Variants in TDRD10 observed in about 807,000 individuals in gnomAD.
TDRD10 encodes the protein tudor domain-containing protein 10.
TDRD10 carries 40 observed loss-of-function variants against 48.0 expected under a neutral mutation model. The ratio of observed to expected loss-of-function variants is 0.83; its 90% CI spans 0.65 to 1.09. The LOEUF is 1.09. Ranked by LOEUF, TDRD10 falls within the 50% of genes least tolerant of loss-of-function variation. The pLI, the probability that TDRD10 is intolerant of heterozygous loss-of-function variation, is 0.00. For synonymous variants in TDRD10, 162 were observed against 170.4 expected (o/e 0.95, Z 0.38); for missense variants, 378 against 434.7 (o/e 0.87, Z 1.16).
At position 154,521,287 on chromosome 1, in the gene TDRD10, G is replaced by T. The variant is rs144749174; in HGVS notation, c.213-36G>T. On this transcript the variant is annotated intron_variant, in intron 5 of 12. Transcript: ENST00000368482. Reference sequence around the variant, plus strand: ...TGCAGCTCTGGGCTTCTCTGGAGATGTGCTCAAAGCCTCCCTCTCTCTCTT... The same window carrying T: ...TGCAGCTCTGGGCTTCTCTGGAGATTTGCTCAAAGCCTCCCTCTCTCTCTT... 197 of 1,609,112 alleles carry T rather than the reference G, an allele frequency of 1.2e-4. 1 individual carries two copies. The African/African-American group carries it at 2.5e-3, about 20-fold the overall frequency.
chr1:154,527,154 G>A (rs1428576497), intron 6 of TDRD10, among the ~76,000 whole-genome samples: 4 of 148,684 alleles, frequency 2.7e-5, no homozygotes, highest in Admixed American at 6.7e-5. Flanking sequence ...TAGGTGATCC[G>A]CCTGCCTCTG....
chr1:154,544,040 G>C lies in TDRD10; in HGVS notation c.581G>C (p.Gly194Ala), dbSNP rs375653959. 4.3e-6 allele frequency: 7 copies of C among 1,614,098 alleles called. No homozygotes were observed. The highest frequency in any genetic ancestry group is 5.9e-6 in the Non-Finnish European group (7 of 1,180,044). The change falls in exon 9 of 13, where the codon GGG (glycine) becomes GCG (alanine). Residue 194 changes from glycine (G) to alanine (A), a missense_variant. By Grantham distance (60) the Gly-to-Ala change is moderately conservative (BLOSUM62 0). Coordinates refer to ENST00000368482, the MANE Select transcript of TDRD10 (RefSeq NM_182499.4). The stretch of plus-strand genomic sequence containing the variant: ...CTGGCACTCATCCATAGCGTCCGTG[G>C]GGAGGCGGGGCTGCTGGTGACGAGT... Reference protein sequence around the residue: ...SWLALIHSVRGEAGLLVTSIV... With the variant: ...SWLALIHSVRAEAGLLVTSIV...
chr1:154,543,001 G>A (rs557362258), intron 8 of TDRD10, among the ~76,000 whole-genome samples, 180 bp downstream of exon 8: 3 of 152,218 alleles, frequency 2.0e-5, no homozygotes, highest in South Asian at 4.2e-4. Context: ...CCCAGCCGGG[G>A]GCAGTGACTC....
In TDRD10 at chr1:154,520,319, C is replaced by T. The variant is rs764807829; in HGVS notation, c.157C>T (p.Leu53Phe). The T allele has an allele frequency of 1.2e-6, 2 of 1,613,388 alleles. No homozygotes were observed. The highest frequency in any genetic ancestry group is 1.1e-5 in the South Asian group (1 of 91,052). The change falls in exon 5 of 13, where the codon CTT (leucine) becomes TTT (phenylalanine). Residue 53 changes from leucine (L) to phenylalanine (F), a missense_variant. By Grantham distance (22) the Leu-to-Phe change is conservative. This residue lies in a region of TDRD10 where 310 missense variants were observed against 323.6 expected (regional missense o/e 0.96). Transcript: ENST00000368482. ...LDISKEEILY[L>F]LKDFNPLDVH... Reference sequence around the variant, plus strand: ...GCTGTTGTAGGAGGAAATTCTGTACCTTCTAAAGGACTTCAACCCTCTTGA... The same window carrying T: ...GCTGTTGTAGGAGGAAATTCTGTACTTTCTAAAGGACTTCAACCCTCTTGA...
chr1:154,521,594 A>C (rs1694063821), intron 6 of TDRD10, 115 bp downstream of exon 6: 1 of 1,255,450 alleles, frequency 8.0e-7, no homozygotes, highest in South Asian at 1.5e-5. Flanking sequence ...GTGGAGAAGA[A>C]GGCAGGGTCT....
At chr1:154,536,763 C>G (rs1224460110) in intron 6 of TDRD10, among the ~76,000 whole-genome samples, 1 of 152,168 alleles carries the variant, frequency 6.6e-6, no homozygotes, top group Non-Finnish European at 1.5e-5. Context: ...TCAGGCTGTG[C>G]GTGCTTCTTT....
chr1:154,536,864 TTC>T (rs1425185412), intron 6 of TDRD10, among the ~76,000 whole-genome samples: 2 of 152,106 alleles, frequency 1.3e-5, no homozygotes, highest in Non-Finnish European at 2.9e-5. Flanking sequence ...CCAAGTGATA[TTC>T]TGTTGTATCA....
intron 12 of TDRD10, 21 bp from the exon 13 acceptor site, chr1:154,547,657 G>A (rs754415932): frequency 7.4e-6 from 12 of 1,614,076 alleles, no homozygotes; most frequent in Admixed American, 1.7e-5. Flanking sequence ...TTCCCACCAA[G>A]GCTTTGTCTT....
chr1:154,526,558 C>T (rs1219451345), intron 6 of TDRD10, among the ~76,000 whole-genome samples: 7 of 151,792 alleles, frequency 4.6e-5, no homozygotes, highest in Admixed American at 1.3e-4. Context: ...TGGGTTCAAA[C>T]GATTCTCCTG....
intron 1 of TDRD10, among the ~76,000 whole-genome samples, chr1:154,505,486 T>G (rs980698560): frequency 8.5e-5 from 13 of 152,242 alleles, no homozygotes; most frequent in Admixed American, 2.6e-4. Flanking sequence ...TCTGAACTAC[T>G]TTTAGTTCTA....
intron 6 of TDRD10, among the ~76,000 whole-genome samples, chr1:154,532,300 C>T (rs926759501): frequency 6.6e-6 from 1 of 152,200 alleles, no homozygotes; most frequent in Non-Finnish European, 1.5e-5. Flanking sequence ...AGCACTGCTG[C>T]GGGACCTGGT....
In TDRD10 at chr1:154,544,039, G is replaced by A; in HGVS notation, c.580G>A (p.Gly194Arg). ...SWLALIHSVR[G>R]EAGLLVTSIV... ...GCTGGCACTCATCCATAGCGTCCGTGGGGAGGCGGGGCTGCTGGTGACGAG... is the reference window on the plus strand; with the variant it reads ...GCTGGCACTCATCCATAGCGTCCGTAGGGAGGCGGGGCTGCTGGTGACGAG... Residue 194 changes from glycine to arginine, a missense_variant, in exon 9 of 13, where the codon GGG becomes AGG. Gly to Arg is a moderately radical substitution (Grantham distance 125). Transcript: ENST00000368482. 1 of 1,614,182 alleles carries A rather than the reference G, an allele frequency of 6.2e-7. No individual in the cohort carries two copies. The highest frequency in any genetic ancestry group is 2.2e-5 in the East Asian group (1 of 44,878).
rs1695461913 is a variant in TDRD10 at position 154,544,835 on chromosome 1, A to G, written c.838A>G (p.Met280Val). 2 of 1,614,016 alleles carry G rather than the reference A, an allele frequency of 1.2e-6. No homozygotes were observed. Among genetic ancestry groups the G allele is most frequent in the Non-Finnish European group, 1.7e-6 (2 of 1,180,038 alleles). ...LDRVDTWAVVMFIDFGQLATI... is the reference protein window; with the variant it reads ...LDRVDTWAVVVFIDFGQLATI... ...CAGGGTGGACACCTGGGCTGTGGTCATGTTCATTGATTTTGGACAGTTGGC... is the reference window on the plus strand; with the variant it reads ...CAGGGTGGACACCTGGGCTGTGGTCGTGTTCATTGATTTTGGACAGTTGGC... The change falls in exon 11 of 13, where the codon ATG becomes GTG. Residue 280 changes from methionine to valine, a missense_variant. Coordinates refer to ENST00000368482, the MANE Select transcript of TDRD10 (RefSeq NM_182499.4).
rs1441261565 is a variant in TDRD10 at position 154,544,073 on chromosome 1, C to T, written c.614C>T (p.Pro205Leu). The T allele has an allele frequency of 8.7e-6, 14 of 1,614,146 alleles. No individual in the cohort carries two copies. Among genetic ancestry groups the T allele is most frequent in the East Asian group, 2.2e-5 (1 of 44,882 alleles). ...EAGLLVTSIVPKTPFFWAMHV... is the reference protein window; with the variant it reads ...EAGLLVTSIVLKTPFFWAMHV... ...GGGCTGCTGGTGACGAGTATCGTCC[C>T]GAAGACCCCGTTTTTCTGGGCTATG... Residue 205 changes from proline to leucine, a missense_variant, in exon 9 of 13, where the codon CCG becomes CTG. Pro to Leu is a moderately conservative substitution (Grantham distance 98, BLOSUM62 -3). Around this residue, in one of 2 missense-constraint regions of TDRD10, gnomAD observed 310 missense variants for 323.6 expected, o/e 0.96. Transcript: ENST00000368482.
At chr1:154,545,636 A>G (rs575177988) in intron 11 of TDRD10, among the ~76,000 whole-genome samples, 3 of 151,764 alleles carry the variant, frequency 2.0e-5, no homozygotes, top group East Asian at 3.9e-4. Context: ...GTGCAGTGGC[A>G]TAATCATAAC....
chr1:154,508,677 C>G lies in TDRD10; in HGVS notation c.141+196C>G, dbSNP rs66980031. Among the ~76,000 whole-genome samples the G allele has an allele frequency of 0.027, 4,063 of 152,254 alleles. 85 individuals carry two copies. Among genetic ancestry groups the G allele is most frequent in the Non-Finnish European group, 0.036 (2,442 of 68,008 alleles). ...CTTTCCCAGTTTTAGCACTGAAATT[C>G]TAATTTGACATCCTGGACAGTTAGT... On this transcript the variant is annotated intron_variant, in intron 4 of 12. Coordinates refer to ENST00000368482, the MANE Select transcript of TDRD10 (RefSeq NM_182499.4).
intron 6 of TDRD10, among the ~76,000 whole-genome samples, chr1:154,526,387 A>G (rs578048654): frequency 3.0e-4 from 45 of 150,874 alleles, no homozygotes; most frequent in African/African-American, 1.0e-3. Flanking sequence ...AAAACAAACA[A>G]GCAAACAAAA....
chr1:154,526,793 T>C (rs188619903), intron 6 of TDRD10, among the ~76,000 whole-genome samples: 40 of 151,780 alleles, frequency 2.6e-4, no homozygotes, highest in African/African-American at 9.4e-4. Flanking sequence ...TTTCACCATG[T>C]TGGCCAGGCT....
At chr1:154,544,154 G>T (rs1357494523) in intron 9 of TDRD10, 44 bp downstream of exon 9, 1 of 1,613,328 alleles carries the variant, frequency 6.2e-7, no homozygotes, top group Non-Finnish European at 8.5e-7. Context: ...GTGCCTTCCT[G>T]CGTGGCCTCC....
Sources: gnomAD v4.1 joint callset for allele counts (sites outside exome capture counted in the v4.1 genomes callset) on GRCh38, gnomAD v4.1.1 for gene constraint, gnomAD v4.1.1 regional missense constraint, MANE v1.5 for transcripts, NCBI Gene and HGNC (gene_info 2026-07-23, HGNC 2026-07-21) for gene names.